The following ADM5 variants were observed in gnomAD, a reference collection of about 807,000 sequenced individuals.
The protein encoded by ADM5 is putative adrenomedullin-5-like protein.
ADM5 carries 1 observed loss-of-function variant against 2.9 expected under a neutral mutation model. The observed-to-expected ratio is 0.35, with a 90% confidence interval of 0.12 to 1.65. The LOEUF (loss-of-function observed/expected upper bound fraction) is 1.65. Among genes scored for constraint, ADM5 ranks in the 40% most tolerant of loss-of-function variants. The pLI, the probability that ADM5 is intolerant of heterozygous loss-of-function variation, is 0.36. For missense variants in ADM5, 192 were observed against 205.2 expected, an observed-to-expected ratio of 0.94 and a Z score of 0.39; for synonymous variants, 90 against 91.1, an observed-to-expected ratio of 0.99 and a Z score of 0.07.
chr19:49,690,364 G>C lies in ADM5; in HGVS notation c.333G>C (p.Ser111=). The change falls in exon 2 of 2, where the codon TCG becomes TCC. Residue 111 remains serine (S), a synonymous_variant. Transcript: ENST00000420022. The surrounding 1 kb of genome is among the most constrained non-coding windows in gnomAD (Gnocchi z 4.4). ...AGTGCCCAGCTCGCTGGGTGACCTC[G>C]GGCACGGCTCGTCCCCTCCTCGGCT... is the stretch of plus-strand genomic sequence containing the variant. The part of the protein sequence containing the change: ...LAQCPARWVT[S]GTARPLLGFS... 1.3e-6 allele frequency: 2 copies of C among 1,551,574 alleles called. No homozygotes were observed. Among genetic ancestry groups the C allele is most frequent in the Non-Finnish European group, 1.7e-6 (2 of 1,146,886 alleles).
Position 49,689,737 on chromosome 19 carries a change from A to T in ADM5, c.-101A>T. Reference sequence around the variant, plus strand: ...CTGGGAAGTGGGGACTGGCCCTGGTACCTGGCTCCAGAGCTGCACCCAGAG... The same window carrying T: ...CTGGGAAGTGGGGACTGGCCCTGGTTCCTGGCTCCAGAGCTGCACCCAGAG... On this transcript the variant is annotated 5_prime_UTR_variant, in exon 1 of 2. Coordinates refer to ENST00000420022, the MANE Select transcript of ADM5 (RefSeq NM_001101340.2). The T allele has an allele frequency of 6.9e-7, 1 of 1,441,192 alleles. No individual in the cohort carries two copies. The highest frequency in any genetic ancestry group is 1.2e-5 in the South Asian group (1 of 85,704). 89.3% of individuals were successfully genotyped at this position (1,441,192 alleles called of 1,614,324 possible).
chr19:49,690,081 G>C lies in ADM5; in HGVS notation c.75-25G>C. The C allele has an allele frequency of 6.5e-7, 1 of 1,546,742 alleles. No homozygotes were observed. The highest frequency in any genetic ancestry group is 1.4e-5 in the African/African-American group (1 of 73,200). On this transcript the variant is annotated intron_variant, in intron 1 of 1. Transcript: ENST00000420022. The surrounding 1 kb of genome is among the most constrained non-coding windows in gnomAD (Gnocchi z 4.4). ...CATCTCTCAATTCGGTTTGAACCCG[G>C]TTTTCTCCCACGCTCCCTCTCCAGG...
Position 49,690,255 on chromosome 19 carries a change from T to A in ADM5, c.224T>A (p.Leu75Gln). 2.6e-6 allele frequency: 4 copies of A among 1,551,934 alleles called. No individual in the cohort carries two copies. In the East Asian group the frequency reaches 9.8e-5, roughly 38 times the overall value. The change falls in exon 2 of 2, where the codon CTA becomes CAA. Residue 75 changes from leucine to glutamine, a missense_variant. Leu to Gln is a moderately radical substitution (Grantham distance 113). Coordinates refer to ENST00000420022, the MANE Select transcript of ADM5 (RefSeq NM_001101340.2). The surrounding 1 kb of genome is among the most constrained non-coding windows in gnomAD (Gnocchi z 4.4). ...GGCCAGCCACGAGCCCCAGGACCCC[T>A]ACAGCTATGGGCGCCGCCGGTGGCG... is the stretch of plus-strand genomic sequence containing the variant. The part of the protein sequence containing the change: ...GEGQPRAPGP[L>Q]QLWAPPVARG...
At position 49,689,730 on chromosome 19, in the gene ADM5, C is replaced by A; in HGVS notation, c.-108C>A. Reference sequence around the variant, plus strand: ...TCCCCGCCTGGGAAGTGGGGACTGGCCCTGGTACCTGGCTCCAGAGCTGCA... The same window carrying A: ...TCCCCGCCTGGGAAGTGGGGACTGGACCTGGTACCTGGCTCCAGAGCTGCA... On this transcript the variant is annotated 5_prime_UTR_variant, in exon 1 of 2. Transcript: ENST00000420022. The A allele has an allele frequency of 1.4e-6, 2 of 1,390,710 alleles. No individual in the cohort carries two copies. Among genetic ancestry groups the A allele is most frequent in the Non-Finnish European group, 2.0e-6 (2 of 986,794 alleles). 86.1% of individuals were successfully genotyped at this position (1,390,710 alleles called of 1,614,324 possible).
chr19:49,690,427 C>A lies in ADM5; in HGVS notation c.396C>A (p.His132Gln). ...LPICMLELLL[H>Q]ISSPLTPAPE... is the part of the protein sequence containing the mutation. ...TCTGTATGTTGGAGCTTCTACTCCA[C>A]ATTTCTTCTCCCCTAACTCCAGCCC... The change falls in exon 2 of 2, where the codon CAC (histidine) becomes CAA (glutamine). Residue 132 changes from histidine to glutamine, a missense_variant. Coordinates refer to ENST00000420022, the MANE Select transcript of ADM5 (RefSeq NM_001101340.2). This position sits in a 1 kb window ranked among gnomAD's most constrained non-coding sequence, Gnocchi z 4.4. The A allele has an allele frequency of 6.5e-7, 1 of 1,549,748 alleles. No homozygotes were observed. Among genetic ancestry groups the A allele is most frequent in the Non-Finnish European group, 8.7e-7 (1 of 1,145,698 alleles).
Position 49,690,245 on chromosome 19 carries a change from C to T in ADM5, c.214C>T (p.Pro72Ser). Residue 72 changes from proline (P) to serine (S), a missense_variant, in exon 2 of 2, where the codon CCA (proline) becomes TCA (serine). Coordinates refer to ENST00000420022, the MANE Select transcript of ADM5 (RefSeq NM_001101340.2). The surrounding 1 kb of genome is among the most constrained non-coding windows in gnomAD (Gnocchi z 4.4). The stretch of plus-strand genomic sequence containing the variant: ...CCTCGGGGAAGGCCAGCCACGAGCC[C>T]CAGGACCCCTACAGCTATGGGCGCC... Reference protein sequence around the residue: ...GALGEGQPRAPGPLQLWAPPV... With the variant: ...GALGEGQPRASGPLQLWAPPV... 6.4e-7 allele frequency: 1 copy of T among 1,552,344 alleles called. No homozygotes were observed. Among genetic ancestry groups the T allele is most frequent in the South Asian group, 1.2e-5 (1 of 84,122 alleles).
chr19:49,690,477 C>T lies in ADM5; in HGVS notation c.446C>T (p.Ser149Phe), dbSNP rs1282123182. ...CCTGAAACCGTCTTCCCCAGTCCCT[C>T]CCCGGGCTGCGACTAGGTTGGACCT... is the stretch of plus-strand genomic sequence containing the variant. ...PAPETVFPSP[S>F]PGCD The change falls in exon 2 of 2, where the codon TCC (serine) becomes TTC (phenylalanine). Residue 149 changes from serine to phenylalanine, a missense_variant. Physicochemically the swap from Ser to Phe is radical, Grantham distance 155. Transcript: ENST00000420022. The surrounding 1 kb of genome is among the most constrained non-coding windows in gnomAD (Gnocchi z 4.4). The T allele has an allele frequency of 1.3e-6, 2 of 1,513,918 alleles. No individual in the cohort carries two copies. The highest frequency in any genetic ancestry group is 2.5e-5 in the East Asian group (1 of 40,316). 93.8% of individuals were successfully genotyped at this position (1,513,918 alleles called of 1,614,324 possible).
Position 49,690,359 on chromosome 19 carries a change from A to G in ADM5, c.328A>G (p.Thr110Ala), listed in dbSNP as rs1470376919. Residue 110 changes from threonine to alanine, a missense_variant, in exon 2 of 2, where the codon ACC becomes GCC. Thr to Ala is a moderately conservative substitution (Grantham distance 58). Transcript: ENST00000420022. This position sits in a 1 kb window ranked among gnomAD's most constrained non-coding sequence, Gnocchi z 4.4. The part of the protein sequence containing the change: ...GLAQCPARWV[T>A]SGTARPLLGF... Reference sequence around the variant, plus strand: ...AGCGCAGTGCCCAGCTCGCTGGGTGACCTCGGGCACGGCTCGTCCCCTCCT... The same window carrying G: ...AGCGCAGTGCCCAGCTCGCTGGGTGGCCTCGGGCACGGCTCGTCCCCTCCT... 6.4e-7 allele frequency: 1 copy of G among 1,551,574 alleles called. No homozygotes were observed. Among genetic ancestry groups the G allele is most frequent in the South Asian group, 1.2e-5 (1 of 84,050 alleles).
At position 49,690,195 on chromosome 19, in the gene ADM5, G is replaced by A. The variant is rs546582373; in HGVS notation, c.164G>A (p.Trp55Ter). 9.0e-6 allele frequency: 14 copies of A among 1,563,486 alleles called. No homozygotes were observed. The East Asian group carries it at 2.4e-4, about 27-fold the overall frequency. The change falls in exon 2 of 2, where the codon TGG (tryptophan) becomes TAG (stop). Residue 55 changes from tryptophan (W) to a stop codon, truncating the protein, a stop_gained. Coordinates refer to ENST00000420022, the MANE Select transcript of ADM5 (RefSeq NM_001101340.2). LOFTEE classifies it low-confidence loss of function (END_TRUNC). The surrounding 1 kb of genome is among the most constrained non-coding windows in gnomAD (Gnocchi z 4.4). ...CACCGCCTGGCGGAGATCATATACT[G>A]GATTCGCTGTCTCCACCAAGGAGCC... ...RTHRLAEIIYWIRCLHQGALG... is the reference protein window; with the variant it reads ...RTHRLAEIIY
Position 49,690,334 on chromosome 19 carries a change from A to C in ADM5, c.303A>C (p.Leu101=), listed in dbSNP as rs2082304693. ...FPGFRPAARG[L]AQCPARWVTS... ...GATTCCGGCCTGCAGCGAGGGGGCT[A>C]GCGCAGTGCCCAGCTCGCTGGGTGA... Residue 101 remains leucine (L), a synonymous_variant, in exon 2 of 2, where the codon CTA becomes CTC. Transcript: ENST00000420022. The surrounding 1 kb of genome is among the most constrained non-coding windows in gnomAD (Gnocchi z 4.4). 1.9e-6 allele frequency: 3 copies of C among 1,551,392 alleles called. No individual in the cohort carries two copies. In the African/African-American group the frequency reaches 4.1e-5, roughly 21 times the overall value.
Position 49,690,214 on chromosome 19 carries a change from A to C in ADM5, c.183A>C (p.Gln61His). Residue 61 changes from glutamine to histidine, a missense_variant, in exon 2 of 2, where the codon CAA (glutamine) becomes CAC (histidine). Coordinates refer to ENST00000420022, the MANE Select transcript of ADM5 (RefSeq NM_001101340.2). This position sits in a 1 kb window ranked among gnomAD's most constrained non-coding sequence, Gnocchi z 4.4. ...TATACTGGATTCGCTGTCTCCACCA[A>C]GGAGCCCTCGGGGAAGGCCAGCCAC... ...EIIYWIRCLH[Q>H]GALGEGQPRA... The C allele has an allele frequency of 1.1e-5, 17 of 1,557,376 alleles. No homozygotes were observed. Among genetic ancestry groups the C allele is most frequent in the Non-Finnish European group, 1.5e-5 (17 of 1,150,786 alleles).
rs185092749 is a variant in ADM5, at chr19:49,690,528, G to C, written c.*35G>C. On this transcript the variant is annotated 3_prime_UTR_variant, in exon 2 of 2. Coordinates refer to ENST00000420022, the MANE Select transcript of ADM5 (RefSeq NM_001101340.2). This position sits in a 1 kb window ranked among gnomAD's most constrained non-coding sequence, Gnocchi z 4.4. ...AGAAGCACACGGGACCAGGCTGGGCGAAGAACACTGACGCCCAGAGCCGAA... is the reference window on the plus strand; with the variant it reads ...AGAAGCACACGGGACCAGGCTGGGCCAAGAACACTGACGCCCAGAGCCGAA... 1 of 1,433,726 alleles carries C rather than the reference G, an allele frequency of 7.0e-7. No homozygotes were observed. The highest frequency in any genetic ancestry group is 2.7e-5 in the Admixed American group (1 of 37,298). The allele number at this position is 1,433,726 out of a possible 1,614,324, so 88.8% of individuals were successfully genotyped here. A position where few individuals can be genotyped will look rare whatever the true frequency, so the allele number is the denominator to read the frequency against.
rs1315291732 is a variant in ADM5, at chr19:49,689,706, C to T, written c.-132C>T. Reference sequence around the variant, plus strand: ...CCCACAGACTTTTGGCCTCAGTGTTCCCCGCCTGGGAAGTGGGGACTGGCC... The same window carrying T: ...CCCACAGACTTTTGGCCTCAGTGTTTCCCGCCTGGGAAGTGGGGACTGGCC... On this transcript the variant is annotated 5_prime_UTR_variant, in exon 1 of 2. Transcript: ENST00000420022. 2 of 1,174,232 alleles carry T rather than the reference C, an allele frequency of 1.7e-6. No individual in the cohort carries two copies. The highest frequency in any genetic ancestry group is 2.5e-6 in the Non-Finnish European group (2 of 806,884). The allele number at this position is 1,174,232 out of a possible 1,614,324, so 72.7% of individuals were successfully genotyped here. A position where few individuals can be genotyped will look rare whatever the true frequency, so the allele number is the denominator to read the frequency against.
In ADM5 at chr19:49,689,873, C is replaced by A; in HGVS notation, c.36C>A (p.Leu12=). ...TIHILILLLL[L]AFSAQGDLDT... ...ACATCCTCATCCTGCTGTTGCTCCT[C>A]GCCTTCTCCGCCCAAGGGGACCTGG... Residue 12 remains leucine (L), a synonymous_variant, in exon 1 of 2, where the codon CTC becomes CTA. Transcript: ENST00000420022. 1.2e-6 allele frequency: 2 copies of A among 1,613,988 alleles called. No individual in the cohort carries two copies. The highest frequency in any genetic ancestry group is 1.7e-6 in the Non-Finnish European group (2 of 1,179,882).
Position 49,689,733 on chromosome 19 carries a change from T to G in ADM5, c.-105T>G. On this transcript the variant is annotated 5_prime_UTR_variant, in exon 1 of 2. Coordinates refer to ENST00000420022, the MANE Select transcript of ADM5 (RefSeq NM_001101340.2). ...CCGCCTGGGAAGTGGGGACTGGCCC[T>G]GGTACCTGGCTCCAGAGCTGCACCC... is the stretch of plus-strand genomic sequence containing the variant. The G allele has an allele frequency of 2.1e-6, 3 of 1,430,554 alleles. No homozygotes were observed. In the South Asian group the frequency reaches 3.5e-5, roughly 17 times the overall value. The allele number at this position is 1,430,554 out of a possible 1,614,324, so 88.6% of individuals were successfully genotyped here.
Position 49,689,773 on chromosome 19 carries a change from C to G in ADM5, c.-65C>G. The G allele has an allele frequency of 6.3e-7, 1 of 1,593,628 alleles. No individual in the cohort carries two copies. The highest frequency in any genetic ancestry group is 1.1e-5 in the South Asian group (1 of 90,622). ...GAGCTGCACCCAGAGGCGATCAGCC[C>G]GGTGCGGGAACGGGGCGGGGTGGCC... is the stretch of plus-strand genomic sequence containing the variant. On this transcript the variant is annotated 5_prime_UTR_variant, in exon 1 of 2. Transcript: ENST00000420022.
rs2082287560 is a variant in ADM5, at chr19:49,689,809, G to A, written c.-29G>A. ...CGGGGCGGGGTGGCCGCAACTACGG[G>A]CCACGGATCCTGACCCGCCCTGCCC... On this transcript the variant is annotated 5_prime_UTR_variant, in exon 1 of 2. Coordinates refer to ENST00000420022, the MANE Select transcript of ADM5 (RefSeq NM_001101340.2). 6.2e-7 allele frequency: 1 copy of A among 1,613,600 alleles called. No homozygotes were observed. Among genetic ancestry groups the A allele is most frequent in the Non-Finnish European group, 8.5e-7 (1 of 1,179,780 alleles).
In ADM5 at chr19:49,690,331, G is replaced by C. The variant is rs1334392916; in HGVS notation, c.300G>C (p.Gly100=). The part of the protein sequence containing the change: ...RFPGFRPAAR[G]LAQCPARWVT... Reference sequence around the variant, plus strand: ...CAGGATTCCGGCCTGCAGCGAGGGGGCTAGCGCAGTGCCCAGCTCGCTGGG... The same window carrying C: ...CAGGATTCCGGCCTGCAGCGAGGGGCCTAGCGCAGTGCCCAGCTCGCTGGG... The change falls in exon 2 of 2, where the codon GGG becomes GGC. Residue 100 remains glycine, a synonymous_variant. Transcript: ENST00000420022. This position sits in a 1 kb window ranked among gnomAD's most constrained non-coding sequence, Gnocchi z 4.4. The C allele has an allele frequency of 6.4e-7, 1 of 1,551,418 alleles. No homozygotes were observed. The highest frequency in any genetic ancestry group is 1.4e-5 in the African/African-American group (1 of 73,052).
Position 49,690,031 on chromosome 19 carries a change from T to C in ADM5, c.75-75T>C, listed in dbSNP as rs927816680. On this transcript the variant is annotated intron_variant, in intron 1 of 1. Transcript: ENST00000420022. This position sits in a 1 kb window ranked among gnomAD's most constrained non-coding sequence, Gnocchi z 4.4. ...AGCCTCCCCGCTGGTCTTGGAGTGC[T>C]TGGGTGCCCACCTCCATCACGCTCC... The C allele has an allele frequency of 2.5e-6, 4 of 1,585,238 alleles. No homozygotes were observed. The African/African-American group carries it at 5.4e-5, about 21-fold the overall frequency.
Sources: gnomAD v4.1 joint callset for allele counts on GRCh38, gnomAD v4.1.1 for gene constraint, Gnocchi (gnomAD v3.1) non-coding constraint, MANE v1.5 for transcripts, NCBI Gene and HGNC (gene_info 2026-07-23, HGNC 2026-07-21) for gene names.